The following PHACTR1 variants were observed in gnomAD, a reference collection of about 807,000 sequenced individuals.
PHACTR1 encodes phosphatase and actin regulator 1, also known as RPEL repeat containing 1.
PHACTR1 carries 16 observed loss-of-function variants against 69.2 expected under a neutral mutation model. The ratio of observed to expected loss-of-function variants is 0.23; its 90% CI spans 0.16 to 0.35. The LOEUF is 0.35. Among genes scored for constraint, PHACTR1 ranks in the 10% least tolerant of loss-of-function variants. The pLI is 1.00. For synonymous variants in PHACTR1, 312 were observed against 284.5 expected (o/e 1.10, Z -0.97); for missense variants, 510 against 734.7 (o/e 0.69, Z 3.54).
Position 13,129,345 on chromosome 6 carries a change from C to T in PHACTR1, c.416-30859C>T, listed in dbSNP as rs182146325. On this transcript the variant is annotated intron_variant, in intron 5 of 14. Coordinates refer to ENST00000332995, the MANE Select transcript of PHACTR1 (RefSeq NM_030948.6). ...ATCGAATGTAAATGGCCTAAATGCTCCACTTAAAATATAATGGCAGAATGA... is the reference window on the plus strand; with the variant it reads ...ATCGAATGTAAATGGCCTAAATGCTTCACTTAAAATATAATGGCAGAATGA... Among the ~76,000 whole-genome samples the T allele has an allele frequency of 3.3e-3, 506 of 152,198 alleles. 6 individuals carry two copies. Among genetic ancestry groups the T allele is most frequent in the African/African-American group, 0.011 (475 of 41,546 alleles).
intron 4 of PHACTR1, among the ~76,000 whole-genome samples, chr6:12,822,307 C>A (rs1004548800): frequency 6.6e-6 from 1 of 152,186 alleles, no homozygotes; most frequent in Non-Finnish European, 1.5e-5. Flanking sequence ...AGGACAGAGT[C>A]CCCAACAGGG....
chr6:13,249,175 C>A (rs1045209278), intron 10 of PHACTR1, among the ~76,000 whole-genome samples: 1 of 152,100 alleles, frequency 6.6e-6, no homozygotes, highest in East Asian at 1.9e-4. Flanking sequence ...AGGAAACAGG[C>A]CCCACAGCAG....
chr6:12,928,884 A>G (rs904724969), intron 4 of PHACTR1, among the ~76,000 whole-genome samples: 1 of 152,218 alleles, frequency 6.6e-6, no homozygotes, highest in Non-Finnish European at 1.5e-5. Context: ...AGGATACATG[A>G]GTCTCGAAGG....
intron 4 of PHACTR1, among the ~76,000 whole-genome samples, chr6:12,791,518 T>A (rs1772274718): frequency 6.6e-6 from 1 of 152,120 alleles, no homozygotes; most frequent in South Asian, 2.1e-4. Flanking sequence ...CAAAAGGAGA[T>A]GCACACTCAC....
At chr6:12,993,701 G>A (rs1797078817) in intron 4 of PHACTR1, among the ~76,000 whole-genome samples, 1 of 152,192 alleles carries the variant, frequency 6.6e-6, no homozygotes, top group Non-Finnish European at 1.5e-5. Context: ...CTCTGTAGAG[G>A]CAGGAAATTC....
rs1055030600 is a variant in PHACTR1, at chr6:13,134,542, T to C, written c.416-25662T>C. Among the ~76,000 whole-genome samples, 31 of 152,210 alleles carry C rather than the reference T, an allele frequency of 2.0e-4. 1 individual carries two copies. The highest frequency in any genetic ancestry group is 6.7e-4 in the African/African-American group (28 of 41,528). ...TGTGCTGTGTCCACTCAGGGTTAAG[T>C]GGATTAAGGGCGGTGCAAGTTGTGC... On this transcript the variant is annotated intron_variant, in intron 5 of 14. Coordinates refer to ENST00000332995, the MANE Select transcript of PHACTR1 (RefSeq NM_030948.6).
At chr6:12,752,134 G>A (rs1235549102) in intron 4 of PHACTR1, among the ~76,000 whole-genome samples, 2 of 152,168 alleles carry the variant, frequency 1.3e-5, no homozygotes, top group East Asian at 3.9e-4. Flanking sequence ...GCTCACTCCT[G>A]GGGCTTGTTT....
Position 13,042,404 on chromosome 6 carries a change from T to A in PHACTR1, c.251-10961T>A, listed in dbSNP as rs76320817. Among the ~76,000 whole-genome samples the A allele has an allele frequency of 2.0e-5, 3 of 152,124 alleles. No individual in the cohort carries two copies. In the South Asian group the frequency reaches 6.2e-4, roughly 32 times the overall value. Reference sequence around the variant, plus strand: ...GCCACCTGAAGGCAATGGATATAGTTGGGAAGAAGGGAGTAGGATCCTAGG... The same window carrying A: ...GCCACCTGAAGGCAATGGATATAGTAGGGAAGAAGGGAGTAGGATCCTAGG... On this transcript the variant is annotated intron_variant, in intron 4 of 14. Transcript: ENST00000332995.
At chr6:12,912,669 T>A (rs945392463) in intron 4 of PHACTR1, among the ~76,000 whole-genome samples, 1 of 152,208 alleles carries the variant, frequency 6.6e-6, no homozygotes, top group Non-Finnish European at 1.5e-5. Flanking sequence ...AATTGGCTTG[T>A]AGGCTGGGCG....
intron 8 of PHACTR1, among the ~76,000 whole-genome samples, chr6:13,208,811 T>A (rs1232612673): frequency 6.6e-6 from 1 of 152,190 alleles, no homozygotes; most frequent in Admixed American, 6.5e-5. Context: ...TTTTATAATA[T>A]CTGTGGGTAT....
rs574655479 is a variant in PHACTR1, at chr6:13,240,579, T to C, written c.1391+10386T>C. ...GTCGTGCCTCAGCCTCCCAAGTAGC[T>C]GGGACTACAGGAGTGTGCCACCACA... is the stretch of plus-strand genomic sequence containing the variant. On this transcript the variant is annotated intron_variant, in intron 10 of 14. Transcript: ENST00000332995. Among the ~76,000 whole-genome samples the C allele has an allele frequency of 1.7e-3, 252 of 152,248 alleles. 1 individual carries two copies. The highest frequency in any genetic ancestry group is 5.8e-3 in the African/African-American group (242 of 41,540).
chr6:13,193,109 AT>A (rs1349612670), intron 7 of PHACTR1, among the ~76,000 whole-genome samples: 3 of 152,034 alleles, frequency 2.0e-5, no homozygotes, highest in Non-Finnish European at 4.4e-5. Context: ...TACACTAAGA[AT>A]TTTGGAAGGA....
At chr6:12,727,189 T>C (rs932837264) in intron 3 of PHACTR1, among the ~76,000 whole-genome samples, 2 of 152,182 alleles carry the variant, frequency 1.3e-5, no homozygotes, top group African/African-American at 4.8e-5. Flanking sequence ...CACCCAGGCT[T>C]TCCAAACCTG....
At chr6:13,153,315 C>T in intron 5 of PHACTR1, among the ~76,000 whole-genome samples, 1 of 152,172 alleles carries the variant, frequency 6.6e-6, no homozygotes, top group East Asian at 1.9e-4. Flanking sequence ...AGAGAGCCTT[C>T]CTTGGACATG....
chr6:13,218,554 G>A (rs1014820), intron 8 of PHACTR1, among the ~76,000 whole-genome samples: 21,678 of 152,006 alleles, frequency 0.14, 2,290 homozygotes, highest in African/African-American at 0.27. Context: ...TTGAAATGGT[G>A]GGAAAAGGCC....
intron 5 of PHACTR1, among the ~76,000 whole-genome samples, chr6:13,126,502 A>G (rs1819546580): frequency 1.3e-5 from 2 of 152,352 alleles, no homozygotes; most frequent in South Asian, 4.1e-4. Flanking sequence ...CCACTGAAGA[A>G]TGGCCTTGAA....
At position 13,279,915 on chromosome 6, in the gene PHACTR1, G is replaced by A. The variant is rs530629548; in HGVS notation, c.1509+1586G>A. 2.2e-5 allele frequency: 3 copies of A among 138,428 alleles called. No homozygotes were observed. In the Admixed American group the frequency reaches 2.4e-4, roughly 11 times the overall value. The allele number at this position is 138,428 out of a possible 1,614,324, so 8.6% of individuals were successfully genotyped here. On this transcript the variant is annotated intron_variant, in intron 12 of 14. Transcript: ENST00000332995. The stretch of plus-strand genomic sequence containing the variant: ...GTGATAAACTTTCATTTCTGATACA[G>A]AAAGGTCTAGACACTTAGAAAAAAA...
chr6:13,256,844 C>T (rs55641495), intron 10 of PHACTR1, among the ~76,000 whole-genome samples: 17 of 152,332 alleles, frequency 1.1e-4, no homozygotes, highest in Admixed American at 6.5e-4. Context: ...CTAGGAAGTT[C>T]CAAATGTTCC....
At chr6:13,061,388 C>T (rs2127752346) in intron 5 of PHACTR1, among the ~76,000 whole-genome samples, 1 of 152,188 alleles carries the variant, frequency 6.6e-6, no homozygotes, top group East Asian at 1.9e-4. Flanking sequence ...AGGAAAGGTC[C>T]AGGGGGTTCA....
Sources: allele counts gnomAD v4.1 joint callset (sites outside exome capture counted in the v4.1 genomes callset), GRCh38; gene constraint gnomAD v4.1.1; transcripts MANE v1.5; gene names NCBI Gene and HGNC (gene_info 2026-07-23, HGNC 2026-07-21).